TTC39C: variants seen among roughly 807,000 people sequenced by gnomAD.
The protein encoded by TTC39C is tetratricopeptide repeat protein 39C.
A neutral mutation model predicts 76.3 loss-of-function variants in TTC39C; 33 were observed. The observed-to-expected ratio is 0.43, with a 90% CI of 0.33 to 0.58. The LOEUF (loss-of-function observed/expected upper bound fraction) is 0.58. Ranked by LOEUF, TTC39C falls within the 20% of genes least tolerant of loss-of-function variation. The pLI, the probability that TTC39C is intolerant of heterozygous loss-of-function variation, is 0.04. For synonymous variants in TTC39C, 254 were observed against 260.6 expected (o/e 0.97, Z 0.24); for missense variants, 595 against 701.4 (o/e 0.85, Z 1.71).
chr18:24,000,291 A>G (rs1047612111), intron 1 of TTC39C: 15 of 152,276 alleles, frequency 9.9e-5, no homozygotes, highest in African/African-American at 3.6e-4. Context: ...CCCTAATCCA[A>G]TATAACTGCA....
At chr18:24,105,473 A>G (rs1465536697) in intron 6 of TTC39C, among the ~76,000 whole-genome samples, 1 of 152,212 alleles carries the variant, frequency 6.6e-6, no homozygotes, top group Non-Finnish European at 1.5e-5. Flanking sequence ...AGGCATGCAT[A>G]TATGAAATAC....
chr18:24,083,156 AT>A, intron 6 of TTC39C, 75 bp downstream of exon 6: 4 of 1,444,576 alleles, frequency 2.8e-6, no homozygotes, highest in Non-Finnish European at 3.7e-6. Context: ...GAGGACTGGT[AT>A]TAAAACGAGC....
At position 24,006,075 on chromosome 18, in the gene TTC39C, C is replaced by T. The variant is rs1442356420; in HGVS notation, c.-17+13037C>T. ...TCACCCAGGCTGGAGTACAGTGGCA[C>T]GATCATGGCTCACTGCAGCCTCAAC... On this transcript the variant is annotated intron_variant, in intron 1 of 13. Transcript: ENST00000304621. 4.6e-5 allele frequency among the ~76,000 whole-genome samples: 7 copies of T among 151,400 alleles called. No homozygotes were observed. The South Asian group carries it at 1.0e-3, about 23-fold the overall frequency.
chr18:24,123,738 C>T, intron 8 of TTC39C, 96 bp from the exon 9 acceptor site: 2 of 856,574 alleles, frequency 2.3e-6, no homozygotes, highest in East Asian at 2.7e-5. Flanking sequence ...CATATTTGCT[C>T]CTGCTTTTTT....
chr18:24,084,924 C>T (rs1364784168), intron 6 of TTC39C, among the ~76,000 whole-genome samples: 1 of 152,214 alleles, frequency 6.6e-6, no homozygotes, highest in African/African-American at 2.4e-5. Context: ...CTCGGCCTCC[C>T]AAAGTGCTGA....
At chr18:24,112,648 G>C (rs140573758) in intron 6 of TTC39C, among the ~76,000 whole-genome samples, 1 of 152,226 alleles carries the variant, frequency 6.6e-6, no homozygotes, top group Non-Finnish European at 1.5e-5. Flanking sequence ...TCTGTCCTCT[G>C]AAGGACAGCG....
intron 1 of TTC39C, among the ~76,000 whole-genome samples, chr18:24,007,699 T>C (rs1343089009): frequency 6.6e-6 from 1 of 152,244 alleles, no homozygotes. Context: ...TATATTTTTA[T>C]ACATTCTGAA....
chr18:24,036,412 T>C (rs1006427965), intron 1 of TTC39C, among the ~76,000 whole-genome samples: 8 of 152,214 alleles, frequency 5.3e-5, no homozygotes, highest in African/African-American at 1.9e-4. Flanking sequence ...CTTTATAGTT[T>C]TCAGTGTATA....
At chr18:24,000,612 A>T (rs941897220) in intron 1 of TTC39C, 9 of 152,260 alleles carry the variant, frequency 5.9e-5, no homozygotes, top group Non-Finnish European at 1.3e-4. Context: ...AATTTGTTGA[A>T]CTTTTGCAGA....
chr18:24,060,303 T>G (rs2084079094), intron 1 of TTC39C, among the ~76,000 whole-genome samples: 1 of 148,994 alleles, frequency 6.7e-6, no homozygotes, highest in African/African-American at 2.4e-5. Flanking sequence ...TGGTTTTGAT[T>G]TGCGTTTCTG....
At chr18:24,045,913 ATATATATATATATATTTTTTTTT>A (rs1232652470) in intron 1 of TTC39C, among the ~76,000 whole-genome samples, 18 of 41,406 alleles carry the variant, frequency 4.3e-4, no homozygotes, top group Admixed American at 8.5e-4. Flanking sequence ...ATATATATAT[ATATATATATATATATTTTTTTTT>A]TTTTTTTTTT....
rs560410301 is a variant in TTC39C at position 24,055,281 on chromosome 18, A to G, written c.168-8859A>G. Among the ~76,000 whole-genome samples the G allele has an allele frequency of 3.3e-5, 5 of 152,300 alleles. No individual in the cohort carries two copies. The South Asian group carries it at 1.0e-3, about 32-fold the overall frequency. On this transcript the variant is annotated intron_variant, in intron 1 of 13. Transcript: ENST00000317571. Reference sequence around the variant, plus strand: ...CCTAGAAGTGGAATTGCTAGATCATATGGTAATTCTATTTTTTCAGAAACT... The same window carrying G: ...CCTAGAAGTGGAATTGCTAGATCATGTGGTAATTCTATTTTTTCAGAAACT...
intron 6 of TTC39C, among the ~76,000 whole-genome samples, chr18:24,111,059 T>G (rs1030881591): frequency 6.6e-6 from 1 of 151,944 alleles, no homozygotes; most frequent in Non-Finnish European, 1.5e-5. Flanking sequence ...GGCACGATCT[T>G]GGCTCACTGC....
rs67885761 is a variant in TTC39C, at chr18:24,050,563, CAAAA to C, written c.168-13557_168-13554del. On this transcript the variant is annotated intron_variant, in intron 1 of 13. Coordinates refer to ENST00000317571, the MANE Select transcript of TTC39C (RefSeq NM_001135993.2). ...TGGGTGACAAAGCAAGACCCTGTCTCAAAAAAAAAAAAAAAAAAAAAAAGTGGGC... is the reference window on the plus strand; with the variant it reads ...TGGGTGACAAAGCAAGACCCTGTCTCAAAAAAAAAAAAAAAAAAAGTGGGC... Among the ~76,000 whole-genome samples the C allele has an allele frequency of 1.2e-4, 9 of 77,092 alleles. No individual in the cohort carries two copies. The East Asian group carries it at 2.7e-3, about 23-fold the overall frequency. The allele number at this position is 77,092 out of a possible 152,430, so 50.6% of individuals were successfully genotyped here.
intron 5 of TTC39C, 23 bp from the exon 6 acceptor site, chr18:24,082,890 T>C (rs2084394301): frequency 6.4e-7 from 1 of 1,564,660 alleles, no homozygotes; most frequent in Admixed American, 1.8e-5. Context: ...ATGTGCTCAA[T>C]GTTTCTCTCC....
chr18:24,092,123 A>AAATAATAAT (rs1555775345), intron 6 of TTC39C, among the ~76,000 whole-genome samples: 3,030 of 50,046 alleles, frequency 0.061, 180 homozygotes, highest in South Asian at 0.1. Flanking sequence ...AAAAAAAAAA[A>AAATAATAAT]AATAATAATA....
chr18:24,110,913 A>G (rs1234677592), intron 6 of TTC39C, among the ~76,000 whole-genome samples: 1 of 152,138 alleles, frequency 6.6e-6, no homozygotes, highest in Non-Finnish European at 1.5e-5. Flanking sequence ...AGTTAATGAG[A>G]CAAAAGCCTA....
chr18:24,013,211 G>A (rs2083407358), upstream of TTC39C, among the ~76,000 whole-genome samples: 1 of 152,154 alleles, frequency 6.6e-6, no homozygotes, highest in African/African-American at 2.4e-5. Context: ...GCATTACAAC[G>A]TACTGTTTCC....
In TTC39C at chr18:24,045,927, A is replaced by ATATAT. The variant is rs1568417525; in HGVS notation, c.168-18212_168-18211insATATT. Among the ~76,000 whole-genome samples, 4 of 25,674 alleles carry ATATAT rather than the reference A, an allele frequency of 1.6e-4. 1 individual carries two copies. Among genetic ancestry groups the ATATAT allele is most frequent in the African/African-American group, 6.7e-4 (4 of 5,978 alleles). The allele number at this position is 25,674 out of a possible 152,430, so 16.8% of individuals were successfully genotyped here. Reference sequence around the variant, plus strand: ...TATATATATATATATATATATATATATTTTTTTTTTTTTTTTTTTTTTTTT... The same window carrying ATATAT: ...TATATATATATATATATATATATATATATATTTTTTTTTTTTTTTTTTTTTTTTTT... On this transcript the variant is annotated intron_variant, in intron 1 of 13. Coordinates refer to ENST00000317571, the MANE Select transcript of TTC39C (RefSeq NM_001135993.2).
Sources: allele counts gnomAD v4.1 joint callset (sites outside exome capture counted in the v4.1 genomes callset), GRCh38; gene constraint gnomAD v4.1.1; transcripts MANE v1.5; gene names NCBI Gene and HGNC (gene_info 2026-07-23, HGNC 2026-07-21).